SRGAP3: variants seen among roughly 807,000 people sequenced by gnomAD.
The protein encoded by SRGAP3 is SLIT-ROBO Rho GTPase-activating protein 3.
A neutral mutation model predicts 121.1 loss-of-function variants in SRGAP3; 39 were observed. That is an observed-to-expected ratio of 0.32 (90% CI 0.25 to 0.42). The LOEUF (loss-of-function observed/expected upper bound fraction) is 0.42, where lower values mean the gene tolerates loss of function less well. Ranked by LOEUF, SRGAP3 falls within the 10% of genes least tolerant of loss-of-function variation. The pLI, the probability that SRGAP3 is intolerant of heterozygous loss-of-function variation, is 1.00. For missense variants in SRGAP3, 1,213 were observed against 1,470.6 expected, an observed-to-expected ratio of 0.82 and a Z score of 2.86; for synonymous variants, 601 against 570.0, an observed-to-expected ratio of 1.05 and a Z score of -0.77.
rs1952700650 is a variant in SRGAP3 at position 9,218,371 on chromosome 3, T to G, written c.67+30514A>C. 1 of 152,166 alleles carries G rather than the reference T, an allele frequency of 6.6e-6. No homozygotes were observed. Among genetic ancestry groups the G allele is most frequent in the East Asian group, 1.9e-4 (1 of 5,198 alleles). The allele number at this position is 152,166 out of a possible 1,614,324, so 9.4% of individuals were successfully genotyped here. A position where few individuals can be genotyped will look rare whatever the true frequency, so the allele number is the denominator to read the frequency against. ...ATGAGGGAATAAGTCACCTAAAGCA[T>G]GATGGCAGAATCTAAGCATAAACGC... On this transcript the variant is annotated intron_variant, in intron 1 of 21. Transcript: ENST00000383836. The surrounding 1 kb of genome is among the most constrained non-coding windows in gnomAD (Gnocchi z 5.3).
chr3:9,140,802 A>G (rs1375272512), intron 1 of SRGAP3, among the ~76,000 whole-genome samples: 1 of 152,242 alleles, frequency 6.6e-6, no homozygotes. Context: ...AATACTCTAC[A>G]TAATAGGCAT....
chr3:9,231,983 C>T (rs193298946), intron 1 of SRGAP3, among the ~76,000 whole-genome samples: 25 of 152,300 alleles, frequency 1.6e-4, no homozygotes, highest in South Asian at 1.0e-3. Flanking sequence ...CACTGCATCA[C>T]GATGGCTCCT....
chr3:9,168,040 G>A (rs776901002), intron 1 of SRGAP3, among the ~76,000 whole-genome samples: 22 of 152,162 alleles, frequency 1.4e-4, no homozygotes, highest in African/African-American at 2.4e-4. Flanking sequence ...AAGTCTATGC[G>A]GTAGGTGACA....
At chr3:8,993,203 G>T in intron 19 of SRGAP3, 148 bp from the exon 20 acceptor site, 1 of 1,305,952 alleles carries the variant, frequency 7.7e-7, no homozygotes, top group Non-Finnish European at 1.1e-6. Context: ...CTGCCCACTG[G>T]GTGCCTTCCC....
chr3:9,104,542 A>T, intron 3 of SRGAP3, 138 bp downstream of exon 3: 3 of 1,175,732 alleles, frequency 2.6e-6, no homozygotes, highest in East Asian at 4.7e-5. Context: ...TCCAGCCCTC[A>T]GCCACTTGCA....
At chr3:9,100,249 T>A (rs1175991364) in intron 3 of SRGAP3, among the ~76,000 whole-genome samples, 1 of 152,166 alleles carries the variant, frequency 6.6e-6, no homozygotes, top group Admixed American at 6.5e-5. Flanking sequence ...ACCCACTGGC[T>A]CTTACCTTTC....
intron 1 of SRGAP3, among the ~76,000 whole-genome samples, chr3:9,236,537 T>G (rs955226143): frequency 4.6e-5 from 7 of 152,106 alleles, no homozygotes; most frequent in African/African-American, 1.7e-4. Flanking sequence ...TGATGGTGAG[T>G]GAGTTCTCAG....
chr3:9,122,736 T>C (rs1487242130), intron 2 of SRGAP3, among the ~76,000 whole-genome samples: 1 of 146,688 alleles, frequency 6.8e-6, no homozygotes, highest in East Asian at 2.0e-4. Context: ...AGGGAGAAGA[T>C]AGGGTAGAAA....
At chr3:9,221,757 C>T (rs1440825565) in intron 1 of SRGAP3, among the ~76,000 whole-genome samples, 1 of 152,158 alleles carries the variant, frequency 6.6e-6, no homozygotes, top group African/African-American at 2.4e-5. Context: ...GGTCAGTCCA[C>T]ACACCCTCTC....
intron 14 of SRGAP3, among the ~76,000 whole-genome samples, chr3:9,018,033 C>T (rs1943725719): frequency 6.6e-6 from 1 of 152,202 alleles, no homozygotes; most frequent in Non-Finnish European, 1.5e-5. Context: ...CCTTCTGGCA[C>T]CTATCACTCT....
intron 3 of SRGAP3, among the ~76,000 whole-genome samples, chr3:9,278,740 C>T (rs1037809702): frequency 5.9e-5 from 9 of 152,236 alleles, no homozygotes; most frequent in South Asian, 2.1e-4. Context: ...TTGGTGTCCT[C>T]GTGAATGGGG....
At chr3:9,246,992 T>C (rs1012496797) in intron 1 of SRGAP3, among the ~76,000 whole-genome samples, 1 of 152,182 alleles carries the variant, frequency 6.6e-6, no homozygotes, top group African/African-American at 2.4e-5. Flanking sequence ...AATTAATGCC[T>C]AACTGGCCCT....
At chr3:9,186,302 T>G (rs1370325137) in intron 1 of SRGAP3, among the ~76,000 whole-genome samples, 1 of 152,228 alleles carries the variant, frequency 6.6e-6, no homozygotes, top group Non-Finnish European at 1.5e-5. Flanking sequence ...GTTCTCATAG[T>G]ACCCTGAGTG....
At chr3:9,181,096 TCA>T (rs970366925) in intron 1 of SRGAP3, among the ~76,000 whole-genome samples, 3 of 152,314 alleles carry the variant, frequency 2.0e-5, no homozygotes, top group African/African-American at 7.2e-5. Context: ...TCTTTAAATT[TCA>T]GTTTCCTCCT....
chr3:9,072,720 A>G lies in SRGAP3; in HGVS notation c.486+7305T>C, dbSNP rs1409270130. 2.0e-5 allele frequency among the ~76,000 whole-genome samples: 3 copies of G among 152,190 alleles called. 1 individual carries two copies. Among genetic ancestry groups the G allele is most frequent in the Non-Finnish European group, 4.4e-5 (3 of 68,030 alleles). On this transcript the variant is annotated intron_variant, in intron 4 of 21. Coordinates refer to ENST00000383836, the MANE Select transcript of SRGAP3 (RefSeq NM_014850.4). ...GGAAACCGAGTGTCAGAGCCCCACT[A>G]TCTGGCACTGGGTCAGTGTTGCCAC...
chr3:9,142,657 G>A (rs547708781), intron 1 of SRGAP3, among the ~76,000 whole-genome samples: 5 of 152,136 alleles, frequency 3.3e-5, no homozygotes, highest in Admixed American at 2.0e-4. Flanking sequence ...TTTGTGAGAC[G>A]TGGGGCAAGT....
At chr3:9,137,759 G>A (rs113226723) in intron 1 of SRGAP3, among the ~76,000 whole-genome samples, 7 of 152,250 alleles carry the variant, frequency 4.6e-5, no homozygotes, top group African/African-American at 1.7e-4. Flanking sequence ...AGGGAGAGAG[G>A]GTTTTCCCAT....
chr3:9,188,541 G>A (rs1951665774), intron 1 of SRGAP3, among the ~76,000 whole-genome samples: 1 of 152,214 alleles, frequency 6.6e-6, no homozygotes, highest in African/African-American at 2.4e-5. Context: ...TCCACTGACA[G>A]AATGGACACG....
At chr3:9,028,138 C>CA (rs780805827) in intron 12 of SRGAP3, 2 of 1,614,042 alleles carry the variant, frequency 1.2e-6, no homozygotes, top group Non-Finnish European at 1.7e-6. Context: ...CCTCTGATAA[C>CA]AAAAAATAAA....
Sources: gnomAD v4.1 joint callset for allele counts (sites outside exome capture counted in the v4.1 genomes callset) on GRCh38, gnomAD v4.1.1 for gene constraint, Gnocchi (gnomAD v3.1) non-coding constraint, MANE v1.5 for transcripts, NCBI Gene and HGNC (gene_info 2026-07-23, HGNC 2026-07-21) for gene names.